The following MARCO variants were observed in gnomAD, a reference collection of about 807,000 sequenced individuals.
MARCO encodes the protein macrophage receptor MARCO.
Under a neutral mutation model 70.0 loss-of-function variants are expected in MARCO, and 72 were observed. The ratio of observed to expected loss-of-function variants is 1.03; its 90% CI spans 0.85 to 1.25. The LOEUF (loss-of-function observed/expected upper bound fraction) is 1.25, where lower values mean the gene tolerates loss of function less well. Ranked by LOEUF, MARCO falls within the 50% of genes most tolerant of loss-of-function variation. The pLI is 0.00. For synonymous variants in MARCO, 273 were observed against 243.1 expected, an observed-to-expected ratio of 1.12 and a Z score of -1.14; for missense variants, 696 against 659.3, an observed-to-expected ratio of 1.06 and a Z score of -0.61.
chr2:118,982,202 A>G lies in MARCO; in HGVS notation c.948A>G (p.Gly316=). 2 of 1,613,254 alleles carry G rather than the reference A, an allele frequency of 1.2e-6. No individual in the cohort carries two copies. The highest frequency in any genetic ancestry group is 1.7e-6 in the Non-Finnish European group (2 of 1,179,442). Residue 316 remains glycine, a synonymous_variant, in exon 11 of 17, where the codon GGA becomes GGG. Coordinates refer to ENST00000327097, the MANE Select transcript of MARCO (RefSeq NM_006770.4). ...TTCCGGGCCCTCCTGGTGCAGTGGGACACCCAGGTGCCAAGGGTGAGCCTG... is the reference window on the plus strand; with the variant it reads ...TTCCGGGCCCTCCTGGTGCAGTGGGGCACCCAGGTGCCAAGGGTGAGCCTG... ...QGVPGPPGAV[G]HPGAKGEPGS...
intron 4 of MARCO, among the ~76,000 whole-genome samples, chr2:118,973,222 C>T (rs942064126): frequency 1.3e-5 from 2 of 152,114 alleles, no homozygotes; most frequent in Non-Finnish European, 2.9e-5. Context: ...ATGTCTCTCT[C>T]TCTGTCTCTC....
chr2:118,959,977 A>G (rs11887644), intron 1 of MARCO, among the ~76,000 whole-genome samples: 13 of 151,948 alleles, frequency 8.6e-5, no homozygotes, highest in African/African-American at 3.1e-4. Context: ...GAGGGTGGTG[A>G]CGGATAAAAG....
intron 6 of MARCO, among the ~76,000 whole-genome samples, chr2:118,976,876 G>A (rs1164981813): frequency 6.6e-6 from 1 of 152,178 alleles, no homozygotes; most frequent in Non-Finnish European, 1.5e-5. Context: ...GTCTTAGCCT[G>A]TTTTGTGTCA....
chr2:118,982,243 CT>C lies in MARCO; in HGVS notation c.990del (p.Arg332GlufsTer16). On this transcript the variant is annotated frameshift_variant, in exon 11 of 17. Coordinates refer to ENST00000327097, the MANE Select transcript of MARCO (RefSeq NM_006770.4). LOFTEE classifies it high-confidence loss of function. ...AKGEPGSAGS[P>X]GRAGLPGSPG... ...GGTGAGCCTGGCAGTGCTGGCTCCCCTGGGCGAGCAGGTGAGGTCCTGGGTC... is the reference window on the plus strand; with the variant it reads ...GGTGAGCCTGGCAGTGCTGGCTCCCCGGGCGAGCAGGTGAGGTCCTGGGTC... The C allele has an allele frequency of 6.2e-7, 1 of 1,612,894 alleles. No individual in the cohort carries two copies. Among genetic ancestry groups the C allele is most frequent in the East Asian group, 2.2e-5 (1 of 44,822 alleles).
At chr2:118,965,274 G>A (rs1470797523) in intron 1 of MARCO, among the ~76,000 whole-genome samples, 1 of 152,114 alleles carries the variant, frequency 6.6e-6, no homozygotes, top group African/African-American at 2.4e-5. Flanking sequence ...TTTCAGACGT[G>A]TAATTTCTAT....
chr2:118,952,611 C>T (rs1235419519), intron 1 of MARCO: 1 of 152,202 alleles, frequency 6.6e-6, no homozygotes, highest in Non-Finnish European at 1.5e-5. Context: ...GCTTTGCCTT[C>T]CTTGGTCTGT....
intron 12 of MARCO, among the ~76,000 whole-genome samples, chr2:118,988,513 T>A (rs924534531): frequency 6.6e-6 from 1 of 152,076 alleles, no homozygotes; most frequent in African/African-American, 2.4e-5. Context: ...TGGCCCCTTC[T>A]ATCTGCATCC....
intron 4 of MARCO, among the ~76,000 whole-genome samples, chr2:118,972,692 A>G (rs927163001): frequency 1.3e-5 from 2 of 152,210 alleles, no homozygotes; most frequent in African/African-American, 4.8e-5. Context: ...ATTGTTATAT[A>G]TGGTTGTTAT....
At chr2:118,985,989 G>C in intron 12 of MARCO, among the ~76,000 whole-genome samples, 1 of 152,092 alleles carries the variant, frequency 6.6e-6, no homozygotes, top group East Asian at 1.9e-4. Flanking sequence ...AAGCCAAAAA[G>C]ATCATCCATA....
At chr2:118,955,251 T>TAA (rs143017553) in intron 1 of MARCO, among the ~76,000 whole-genome samples, 2 of 151,668 alleles carry the variant, frequency 1.3e-5, no homozygotes, top group African/African-American at 4.8e-5. Context: ...ATAGTTTAAA[T>TAA]AAAAAAACAA....
intron 1 of MARCO, among the ~76,000 whole-genome samples, chr2:118,944,421 C>A (rs948886809): frequency 1.3e-5 from 2 of 152,176 alleles, no homozygotes; most frequent in Non-Finnish European, 1.5e-5. Flanking sequence ...ACACAGTGAC[C>A]CCTCAGGGCC....
At chr2:118,946,113 A>G (rs1679593726) in intron 1 of MARCO, among the ~76,000 whole-genome samples, 1 of 152,146 alleles carries the variant, frequency 6.6e-6, no homozygotes, top group Admixed American at 6.5e-5. Flanking sequence ...AGAGTCAGAG[A>G]AAATTGCAAA....
chr2:118,980,156 G>A (rs556113078), intron 8 of MARCO, among the ~76,000 whole-genome samples: 5 of 152,342 alleles, frequency 3.3e-5, no homozygotes, highest in South Asian at 2.1e-4. Flanking sequence ...AGCAAAAAAG[G>A]CACCAACAGA....
At chr2:118,982,432 G>A in intron 12 of MARCO, 22 bp downstream of exon 12, 2 of 1,611,802 alleles carry the variant, frequency 1.2e-6, no homozygotes, top group East Asian at 2.2e-5. Flanking sequence ...TGCAGTGGGT[G>A]AGTAGGTGGG....
At position 118,986,576 on chromosome 2, in the gene MARCO, G is replaced by A. The variant is rs181672543; in HGVS notation, c.1064-4013G>A. 8.5e-4 allele frequency among the ~76,000 whole-genome samples: 60 copies of A among 70,254 alleles called. 2 individuals carry two copies. Among genetic ancestry groups the A allele is most frequent in the East Asian group, 5.9e-3 (13 of 2,216 alleles). 46.1% of individuals were successfully genotyped at this position (70,254 alleles called of 152,430 possible). On this transcript the variant is annotated intron_variant, in intron 12 of 16. Coordinates refer to ENST00000327097, the MANE Select transcript of MARCO (RefSeq NM_006770.4). ...AGGAAGGAAGGGAGGGAGGGAGGGAGGGAAGGAAAGAAGAAAGAAAGAAAG... is the reference window on the plus strand; with the variant it reads ...AGGAAGGAAGGGAGGGAGGGAGGGAAGGAAGGAAAGAAGAAAGAAAGAAAG...
In MARCO at chr2:118,982,206, C is replaced by T; in HGVS notation, c.952C>T (p.Pro318Ser). The change falls in exon 11 of 17, where the codon CCA becomes TCA. Residue 318 changes from proline to serine, a missense_variant. By Grantham distance (74) the Pro-to-Ser change is moderately conservative. Coordinates refer to ENST00000327097, the MANE Select transcript of MARCO (RefSeq NM_006770.4). ...GGGCCCTCCTGGTGCAGTGGGACAC[C>T]CAGGTGCCAAGGGTGAGCCTGGCAG... is the stretch of plus-strand genomic sequence containing the variant. The part of the protein sequence containing the change: ...VPGPPGAVGH[P>S]GAKGEPGSAG... 6.2e-7 allele frequency: 1 copy of T among 1,613,308 alleles called. No individual in the cohort carries two copies.
chr2:118,981,531 C>G (rs1313728709), intron 9 of MARCO, 24 bp downstream of exon 9: 1 of 1,589,104 alleles, frequency 6.3e-7, no homozygotes, highest in Non-Finnish European at 8.6e-7. Flanking sequence ...TGGTCACATC[C>G]ACTGACCTCT....
chr2:118,946,927 T>C (rs1212294729), intron 1 of MARCO, among the ~76,000 whole-genome samples: 1 of 152,252 alleles, frequency 6.6e-6, no homozygotes, highest in Non-Finnish European at 1.5e-5. Context: ...ATGTTGACTA[T>C]CTTCTCATGT....
At chr2:118,992,803 T>C (rs1263334572) in intron 15 of MARCO, among the ~76,000 whole-genome samples, 2 of 151,296 alleles carry the variant, frequency 1.3e-5, no homozygotes, top group Non-Finnish European at 2.9e-5. Context: ...CTCTCCATTC[T>C]TTCCTTCCTT....
Sources: gnomAD v4.1 joint callset for allele counts (sites outside exome capture counted in the v4.1 genomes callset) on GRCh38, gnomAD v4.1.1 for gene constraint, MANE v1.5 for transcripts, NCBI Gene and HGNC (gene_info 2026-07-23, HGNC 2026-07-21) for gene names.